The following TXNDC5 variants were observed in gnomAD, a reference collection of about 807,000 sequenced individuals.
TXNDC5 encodes the protein thioredoxin domain-containing protein 5.
In TXNDC5, 44 loss-of-function variants were observed where a neutral mutation model predicts 52.6. The ratio of observed to expected loss-of-function variants is 0.84; its 90% CI spans 0.66 to 1.08. TXNDC5 has a LOEUF of 1.08. Among genes scored for constraint, TXNDC5 ranks in the 50% least tolerant of loss-of-function variants. The probability of loss-of-function intolerance (pLI) is 0.00; values close to 1 mark genes in which losing one functional copy is unlikely to be tolerated. For synonymous variants in TXNDC5, 241 were observed against 234.4 expected, an observed-to-expected ratio of 1.03 and a Z score of -0.26; for missense variants, 600 against 565.5, an observed-to-expected ratio of 1.06 and a Z score of -0.62.
At position 7,882,016 on chromosome 6, in the gene TXNDC5, C is replaced by A. The variant is rs1421456068; in HGVS notation, c.*1128G>T. ...AGCATGAGTTAGAGGACACTGGCAT[C>A]AACAGCTGCCACAGCCGTGCACACC... On this transcript the variant is annotated 3_prime_UTR_variant, in exon 10 of 10. Coordinates refer to ENST00000379757, the MANE Select transcript of TXNDC5 (RefSeq NM_030810.5). 1 of 152,716 alleles carries A rather than the reference C, an allele frequency of 6.5e-6. No individual in the cohort carries two copies. Among genetic ancestry groups the A allele is most frequent in the Non-Finnish European group, 1.5e-5 (1 of 68,092 alleles). 9.5% of individuals were successfully genotyped at this position (152,716 alleles called of 1,614,324 possible).
Position 7,884,404 on chromosome 6 carries a change from G to C in TXNDC5, c.1131C>G (p.Ala377=). The C allele has an allele frequency of 6.2e-7, 1 of 1,614,014 alleles. No homozygotes were observed. Among genetic ancestry groups the C allele is most frequent in the Non-Finnish European group, 8.5e-7 (1 of 1,179,980 alleles). ...EFPGLAGVKI[A]EVDCTAERNI... ...TCCGTTCAGCAGTGCAGTCTACTTCGGCGATCTTGACCCCCGCCAGACCAG... is the reference window on the plus strand; with the variant it reads ...TCCGTTCAGCAGTGCAGTCTACTTCCGCGATCTTGACCCCCGCCAGACCAG... The change falls in exon 9 of 10, where the codon GCC becomes GCG. Residue 377 remains alanine (A), a synonymous_variant. Coordinates refer to ENST00000379757, the MANE Select transcript of TXNDC5 (RefSeq NM_030810.5).
chr6:7,896,399 TA>T (rs1760369891), intron 3 of TXNDC5, among the ~76,000 whole-genome samples: 1 of 152,176 alleles, frequency 6.6e-6, no homozygotes, highest in Non-Finnish European at 1.5e-5. Context: ...CCAACCAAAG[TA>T]ACCAGAAATG....
chr6:7,899,053 G>A lies in TXNDC5; in HGVS notation c.519+523C>T, dbSNP rs563782165. On this transcript the variant is annotated intron_variant, in intron 3 of 9. Transcript: ENST00000379757. ...GAGCCAGAGGGCTGCAGGTGGTGGAGGGCAAAGGTCGGGGGGATGGGAGGA... is the reference window on the plus strand; with the variant it reads ...GAGCCAGAGGGCTGCAGGTGGTGGAAGGCAAAGGTCGGGGGGATGGGAGGA... 1.2e-4 allele frequency among the ~76,000 whole-genome samples: 18 copies of A among 152,270 alleles called. No individual in the cohort carries two copies. In the South Asian group the frequency reaches 3.5e-3, roughly 30 times the overall value.
At chr6:7,909,106 C>T (rs1346899279) in intron 1 of TXNDC5, among the ~76,000 whole-genome samples, 1 of 152,052 alleles carries the variant, frequency 6.6e-6, no homozygotes, top group East Asian at 1.9e-4. Flanking sequence ...CCACAGTGGC[C>T]CTAAAAGTTG....
chr6:7,893,956 G>C (rs1458597168), intron 4 of TXNDC5, among the ~76,000 whole-genome samples: 1 of 152,200 alleles, frequency 6.6e-6, no homozygotes, highest in African/African-American at 2.4e-5. Context: ...ACATCTATGT[G>C]TGAATAAAGG....
chr6:7,888,725 C>G lies in TXNDC5; in HGVS notation c.943G>C (p.Ala315Pro), dbSNP rs750664200. 1.2e-6 allele frequency: 2 copies of G among 1,612,740 alleles called. No homozygotes were observed. Among genetic ancestry groups the G allele is most frequent in the East Asian group, 4.5e-5 (2 of 44,858 alleles). Residue 315 changes from alanine to proline, a missense_variant, in exon 7 of 10, where the codon GCT becomes CCT. Coordinates refer to ENST00000379757, the MANE Select transcript of TXNDC5 (RefSeq NM_030810.5). ...VTPSEAPVLA[A>P]EPEADKGTVL... is the part of the protein sequence containing the mutation. Reference sequence around the variant, plus strand: ...CCCACCTTGTCAGCCTCGGGCTCAGCTGCCAGCACCGGGGCCTCTGAGGGC... The same window carrying G: ...CCCACCTTGTCAGCCTCGGGCTCAGGTGCCAGCACCGGGGCCTCTGAGGGC...
chr6:7,904,798 C>T (rs1338977101), intron 1 of TXNDC5, 75 bp from the exon 2 acceptor site: 3 of 1,583,106 alleles, frequency 1.9e-6, no homozygotes, highest in Non-Finnish European at 2.6e-6. Flanking sequence ...CAGCTCTGTC[C>T]AGGGGACAAT....
At chr6:7,887,508 G>A (rs1014264827) in intron 7 of TXNDC5, among the ~76,000 whole-genome samples, 3 of 138,588 alleles carry the variant, frequency 2.2e-5, no homozygotes, top group East Asian at 4.5e-4. Context: ...CCCTCTCCGC[G>A]CTGCACAGCG....
At chr6:7,887,212 T>G (rs1353775427) in intron 7 of TXNDC5, among the ~76,000 whole-genome samples, 1 of 145,984 alleles carries the variant, frequency 6.9e-6, no homozygotes, top group East Asian at 1.9e-4. Context: ...GAGGAGGGGT[T>G]GGTGGCCCCA....
intron 2 of TXNDC5, among the ~76,000 whole-genome samples, chr6:7,903,956 A>G (rs1401330207): frequency 1.3e-5 from 2 of 152,246 alleles, no homozygotes; most frequent in Non-Finnish European, 2.9e-5. Context: ...CAGGCCTGGA[A>G]AGCCGTCATC....
chr6:7,899,231 A>C (rs1178453042), intron 3 of TXNDC5, among the ~76,000 whole-genome samples: 1 of 152,236 alleles, frequency 6.6e-6, no homozygotes, highest in African/African-American at 2.4e-5. Context: ...GTAAGTGCTT[A>C]TCTGTGAGGC....
Position 7,910,739 on chromosome 6 carries a change from G to A in TXNDC5, c.38C>T (p.Ala13Val). ...ARPGRLLPLL[A>V]RPAALTALLL... ...CAGCGCAGTCAGGGCCGCCGGCCGG[G>A]CCAGCAGCGGGAGGAGGCGTCCTGG... Residue 13 changes from alanine to valine, a missense_variant, in exon 1 of 10, where the codon GCC becomes GTC. Coordinates refer to ENST00000379757, the MANE Select transcript of TXNDC5 (RefSeq NM_030810.5). 9.8e-7 allele frequency: 1 copy of A among 1,018,164 alleles called. No homozygotes were observed. The highest frequency in any genetic ancestry group is 1.2e-6 in the Non-Finnish European group (1 of 854,972). The allele number at this position is 1,018,164 out of a possible 1,614,324, so 63.1% of individuals were successfully genotyped here. A position where few individuals can be genotyped will look rare whatever the true frequency, so the allele number is the denominator to read the frequency against.
intron 9 of TXNDC5, 79 bp from the exon 10 acceptor site, chr6:7,883,345 C>G (rs1759838240): frequency 6.2e-7 from 1 of 1,600,714 alleles, no homozygotes; most frequent in Non-Finnish European, 8.5e-7. Context: ...AAACCAGATA[C>G]ACTCCTACCG....
At chr6:7,886,606 G>C (rs1037451624) in intron 7 of TXNDC5, among the ~76,000 whole-genome samples, 1 of 152,216 alleles carries the variant, frequency 6.6e-6, no homozygotes, top group African/African-American at 2.4e-5. Flanking sequence ...AAAGCAGCCT[G>C]TTCTAAGTCA....
chr6:7,895,203 C>CT lies in TXNDC5; in HGVS notation c.520-2dup. 6.2e-7 allele frequency: 1 copy of CT among 1,611,404 alleles called. No individual in the cohort carries two copies. The highest frequency in any genetic ancestry group is 2.2e-5 in the East Asian group (1 of 44,788). The stretch of plus-strand genomic sequence containing the variant: ...GCGGTTCCACTTCCGGCTCTGGTGT[C>CT]TAACAGGAGGAAATAAAACAGTCAT... On this transcript the variant is annotated splice_acceptor_variant, in intron 3 of 9. Transcript: ENST00000379757. LOFTEE classifies it high-confidence loss of function.
rs570518795 is a variant in TXNDC5 at position 7,904,837 on chromosome 6, T to C, written c.264-114A>G. On this transcript the variant is annotated intron_variant, in intron 1 of 9. Transcript: ENST00000379757. ...GCTCTCAGTCCTTTCTTTACACCAT[T>C]GCAGATGGCAGCTCCTGGACCAGTA... 1.4e-4 allele frequency: 179 copies of C among 1,254,312 alleles called. 3 individuals carry two copies. The South Asian group carries it at 2.4e-3, about 17-fold the overall frequency. The allele number at this position is 1,254,312 out of a possible 1,614,324, so 77.7% of individuals were successfully genotyped here.
rs1759889417 is a variant in TXNDC5 at position 7,884,504 on chromosome 6, T to C, written c.1047-16A>G. Reference sequence around the variant, plus strand: ...ATGACCACACCTAAGACGAGAAAAATGGCAGCTTCGTTGAAATCCTGGGTC... The same window carrying C: ...ATGACCACACCTAAGACGAGAAAAACGGCAGCTTCGTTGAAATCCTGGGTC... On this transcript the variant is annotated splice_polypyrimidine_tract_variant and intron_variant, in intron 8 of 9. Transcript: ENST00000379757. The C allele has an allele frequency of 6.2e-7, 1 of 1,613,838 alleles. No individual in the cohort carries two copies.
chr6:7,882,566 A>G lies in TXNDC5; in HGVS notation c.*578T>C, dbSNP rs1157229798. 1 of 153,116 alleles carries G rather than the reference A, an allele frequency of 6.5e-6. No individual in the cohort carries two copies. Among genetic ancestry groups the G allele is most frequent in the East Asian group, 1.9e-4 (1 of 5,188 alleles). 9.5% of individuals were successfully genotyped at this position (153,116 alleles called of 1,614,324 possible). ...GCTTTCATCACGGCTAACCTCTCAC[A>G]CTGAGAGAAGTATTCACAGCAACAG... On this transcript the variant is annotated 3_prime_UTR_variant, in exon 10 of 10. Coordinates refer to ENST00000379757, the MANE Select transcript of TXNDC5 (RefSeq NM_030810.5).
intron 1 of TXNDC5, among the ~76,000 whole-genome samples, chr6:7,908,718 T>G (rs1296554700): frequency 6.6e-6 from 1 of 152,064 alleles, no homozygotes; most frequent in Non-Finnish European, 1.5e-5. Flanking sequence ...GCGCCTGTAG[T>G]CACAGCTACT....
Sources: gnomAD v4.1 joint callset for allele counts (sites outside exome capture counted in the v4.1 genomes callset) on GRCh38, gnomAD v4.1.1 for gene constraint, MANE v1.5 for transcripts, NCBI Gene and HGNC (gene_info 2026-07-23, HGNC 2026-07-21) for gene names.